Variants in CFAP300 observed in about 807,000 individuals in gnomAD.
CFAP300 encodes cilia and flagella associated protein 300.
In CFAP300, 32 loss-of-function variants were observed where a neutral mutation model predicts 33.0. The ratio of observed to expected loss-of-function variants is 0.97; its 90% CI spans 0.73 to 1.30. The LOEUF is 1.30. CFAP300 is among the 50% of genes most tolerant of loss of function. The probability of loss-of-function intolerance (pLI) is 0.00; values close to 1 mark genes in which losing one functional copy is unlikely to be tolerated. For synonymous variants in CFAP300, 102 were observed against 106.8 expected (o/e 0.95, Z 0.28); for missense variants, 356 against 318.1 (o/e 1.12, Z -0.90).
chr11:102,059,215 C>T (rs1942104564), intron 3 of CFAP300, among the ~76,000 whole-genome samples: 1 of 151,774 alleles, frequency 6.6e-6, no homozygotes, highest in Non-Finnish European at 1.5e-5. Context: ...TCCATGTACT[C>T]TGCTAGATAT....
intron 4 of CFAP300, among the ~76,000 whole-genome samples, chr11:102,075,203 C>T (rs1424517014): frequency 6.6e-6 from 1 of 152,128 alleles, no homozygotes; most frequent in African/African-American, 2.4e-5. Context: ...CCACTACAAT[C>T]GATAAATGAA....
intron 2 of CFAP300, among the ~76,000 whole-genome samples, chr11:102,053,341 C>T (rs962248240): frequency 2.0e-5 from 3 of 152,094 alleles, no homozygotes; most frequent in African/African-American, 7.2e-5. Flanking sequence ...CACCTGAAGT[C>T]GGGAGTTCAA....
At chr11:102,078,709 GT>G (rs569988872) in intron 5 of CFAP300, among the ~76,000 whole-genome samples, 6 of 150,596 alleles carry the variant, frequency 4.0e-5, no homozygotes, top group Non-Finnish European at 7.4e-5. Flanking sequence ...TTTTTGTTTT[GT>G]TTTTTTTTAT....
chr11:102,073,873 G>A (rs1157404888), intron 4 of CFAP300, among the ~76,000 whole-genome samples: 1 of 152,134 alleles, frequency 6.6e-6, no homozygotes, highest in Admixed American at 6.5e-5. Context: ...AGCTGTGGGT[G>A]GGAGATCCCA....
chr11:102,076,144 T>A, intron 5 of CFAP300, 99 bp downstream of exon 5: 1 of 1,329,650 alleles, frequency 7.5e-7, no homozygotes, highest in Non-Finnish European at 1.0e-6. Flanking sequence ...GTGGTTATAT[T>A]AACAACCAAA....
rs368066540 is a variant in CFAP300, at chr11:102,064,916, T to G, written c.269-1569T>G. On this transcript the variant is annotated intron_variant, in intron 3 of 6. Coordinates refer to ENST00000434758, the MANE Select transcript of CFAP300 (RefSeq NM_032930.3). ...CTGAATGATAAATTCAGGAAATAAG[T>G]GTGGGATAGGGAATGGAGGATGGGG... 7.2e-5 allele frequency among the ~76,000 whole-genome samples: 11 copies of G among 152,076 alleles called. No homozygotes were observed. The East Asian group carries it at 1.9e-3, about 27-fold the overall frequency.
rs1942514106 is a variant in CFAP300, at chr11:102,084,096, AC to A, written c.*898del. ...AAACTGCAGCTGTCCCACGGCTAAT[AC>A]AAGAGCTACATGTAAACAGAGAAAG... is the stretch of plus-strand genomic sequence containing the variant. On this transcript the variant is annotated 3_prime_UTR_variant, in exon 7 of 7. Transcript: ENST00000434758. 1 of 152,248 alleles carries A rather than the reference AC, an allele frequency of 6.6e-6. No homozygotes were observed. Among genetic ancestry groups the A allele is most frequent in the Admixed American group, 6.5e-5 (1 of 15,282 alleles). 9.4% of individuals were successfully genotyped at this position (152,248 alleles called of 1,614,324 possible). A position where few individuals can be genotyped will look rare whatever the true frequency, so the allele number is the denominator to read the frequency against.
At chr11:102,077,515 C>T (rs1942413904) in intron 5 of CFAP300, among the ~76,000 whole-genome samples, 1 of 152,190 alleles carries the variant, frequency 6.6e-6, no homozygotes, top group African/African-American at 2.4e-5. Context: ...AAAATATTTT[C>T]TTCCTCATCC....
At chr11:102,082,337 A>G (rs547006255) in intron 6 of CFAP300, among the ~76,000 whole-genome samples, 53 of 152,016 alleles carry the variant, frequency 3.5e-4, no homozygotes, top group Non-Finnish European at 6.6e-4. Flanking sequence ...GGTGGTACCA[A>G]TACTGTACTC....
At chr11:102,069,931 C>T (rs1942287103) in intron 4 of CFAP300, among the ~76,000 whole-genome samples, 1 of 152,204 alleles carries the variant, frequency 6.6e-6, no homozygotes, top group Non-Finnish European at 1.5e-5. Flanking sequence ...GGCACCATCG[C>T]ACTCCAGCCT....
At chr11:102,063,591 G>A (rs1455217420) in intron 3 of CFAP300, among the ~76,000 whole-genome samples, 2 of 152,186 alleles carry the variant, frequency 1.3e-5, no homozygotes, top group African/African-American at 4.8e-5. Flanking sequence ...ACTTCAAGAG[G>A]CCAAGGTGGG....
In CFAP300 at chr11:102,070,998, A is replaced by T. The variant is rs372635373; in HGVS notation, c.435+4347A>T. Among the ~76,000 whole-genome samples, 9 of 152,302 alleles carry T rather than the reference A, an allele frequency of 5.9e-5. No homozygotes were observed. In the South Asian group the frequency reaches 1.4e-3, roughly 25 times the overall value. ...ATCCTGAAGAATGTTCCATGTGCTG[A>T]TGAGAATAGATATTCTGTAACTGTT... On this transcript the variant is annotated intron_variant, in intron 4 of 6. Transcript: ENST00000434758.
At chr11:102,071,324 A>G (rs1942309702) in intron 4 of CFAP300, among the ~76,000 whole-genome samples, 1 of 152,156 alleles carries the variant, frequency 6.6e-6, no homozygotes, top group Non-Finnish European at 1.5e-5. Context: ...TTTACAGGTC[A>G]AGTGAGTTTG....
At chr11:102,075,684 T>C (rs1359538715) in intron 4 of CFAP300, among the ~76,000 whole-genome samples, 189 bp from the exon 5 acceptor site, 1 of 152,246 alleles carries the variant, frequency 6.6e-6, no homozygotes, top group East Asian at 1.9e-4. Flanking sequence ...GTTCTTTTCA[T>C]TGAATGTCAG....
At chr11:102,059,044 G>A (rs1334315348) in intron 3 of CFAP300, 89 bp downstream of exon 3, 2 of 726,680 alleles carry the variant, frequency 2.8e-6, no homozygotes, top group African/African-American at 3.6e-5. Flanking sequence ...ATATAAATTG[G>A]GAATGACTCA....
At chr11:102,061,187 G>T (rs1342902193) in intron 3 of CFAP300, among the ~76,000 whole-genome samples, 1 of 152,116 alleles carries the variant, frequency 6.6e-6, no homozygotes, top group Non-Finnish European at 1.5e-5. Flanking sequence ...CTGAAAAATA[G>T]GACAGAAGAA....
intron 2 of CFAP300, among the ~76,000 whole-genome samples, chr11:102,050,166 T>C (rs1941948149): frequency 6.6e-6 from 1 of 152,140 alleles, no homozygotes; most frequent in Admixed American, 6.6e-5. Flanking sequence ...TTATGAAGTA[T>C]TTTTCTATAG....
chr11:102,060,444 C>T (rs1227118873), intron 3 of CFAP300, among the ~76,000 whole-genome samples: 1 of 151,842 alleles, frequency 6.6e-6, no homozygotes, highest in Non-Finnish European at 1.5e-5. Flanking sequence ...TGTATTATTT[C>T]ATAATACATT....
chr11:102,047,993 G>C, intron 2 of CFAP300, 97 bp downstream of exon 2: 1 of 1,163,870 alleles, frequency 8.6e-7, no homozygotes, highest in South Asian at 1.6e-5. Flanking sequence ...ATTCCTTACT[G>C]ACGTCGTTTT....
Sources: gnomAD v4.1 joint callset for allele counts (sites outside exome capture counted in the v4.1 genomes callset) on GRCh38, gnomAD v4.1.1 for gene constraint, MANE v1.5 for transcripts, NCBI Gene and HGNC (gene_info 2026-07-23, HGNC 2026-07-21) for gene names.